The following SSRP1 variants were observed in gnomAD, a reference collection of about 807,000 sequenced individuals.
The protein encoded by SSRP1 is structure specific recognition protein 1, also known as FACT complex subunit SSRP1.
In SSRP1, 21 loss-of-function variants were observed where a neutral mutation model predicts 84.4. That is an observed-to-expected ratio of 0.25 (90% CI 0.18 to 0.36). The LOEUF is 0.36. SSRP1 is among the 10% of genes least tolerant of loss of function. SSRP1 has a pLI of 1.00. For synonymous variants in SSRP1, 319 were observed against 318.3 expected, an observed-to-expected ratio of 1.00 and a Z score of -0.02; for missense variants, 519 against 900.8, an observed-to-expected ratio of 0.58 and a Z score of 5.43.
chr11:57,327,313 G>A, intron 15 of SSRP1, 113 bp downstream of exon 15: 2 of 1,091,746 alleles, frequency 1.8e-6, no homozygotes, highest in Non-Finnish European at 2.7e-6. Context: ...CTACCCTACT[G>A]CAGTCAGAAG....
In SSRP1 at chr11:57,332,712, G is replaced by T. The variant is rs140218207; in HGVS notation, c.681C>A (p.Gly227=). Residue 227 remains glycine, a synonymous_variant, in exon 6 of 17, where the codon GGC becomes GGA. Coordinates refer to ENST00000278412, the MANE Select transcript of SSRP1 (RefSeq NM_003146.3). This position sits in a 1 kb window ranked among gnomAD's most constrained non-coding sequence, Gnocchi z 5.5. ...RIYPTFLHLH[G]KTFDYKIPYT... ...AGGGGATCTTGTAGTCAAAGGTCTT[G>T]CCATGCAGGTGCAGAAAGGTGGGGT... The T allele has an allele frequency of 3.7e-5, 60 of 1,613,956 alleles. 1 individual carries two copies. In the African/African-American group the frequency reaches 5.9e-4, roughly 16 times the overall value.
rs528299866 is a variant in SSRP1 at position 57,332,244 on chromosome 11, G to C, written c.909C>G (p.Thr303=). The C allele has an allele frequency of 1.2e-6, 2 of 1,613,894 alleles. No individual in the cohort carries two copies. Among genetic ancestry groups the C allele is most frequent in the Non-Finnish European group, 1.7e-6 (2 of 1,180,020 alleles). ...EVEKRFEGRL[T]KNMSGSLYEM... Reference sequence around the variant, plus strand: ...CATAGAGGGATCCTGACATGTTCTTGGTGAGCCGACCCTCAAAGCGCTTCT... The same window carrying C: ...CATAGAGGGATCCTGACATGTTCTTCGTGAGCCGACCCTCAAAGCGCTTCT... The change falls in exon 8 of 17, where the codon ACC becomes ACG. Residue 303 remains threonine, a synonymous_variant. Transcript: ENST00000278412. The surrounding 1 kb of genome is among the most constrained non-coding windows in gnomAD (Gnocchi z 5.5).
In SSRP1 at chr11:57,328,396, G is replaced by A; in HGVS notation, c.1512C>T (p.Ser504=). Residue 504 remains serine, a synonymous_variant, in exon 13 of 17, where the codon TCC becomes TCT. Transcript: ENST00000278412. The part of the protein sequence containing the change: ...EFDSNASASS[S]SNEGDSDRDE... ...CCCGGTCACTGTCACCCTCATTACT[G>A]GAGGAGCTGGCAGAGGCGTTGCTGT... is the stretch of plus-strand genomic sequence containing the variant. 6.2e-7 allele frequency: 1 copy of A among 1,614,174 alleles called. No homozygotes were observed. The highest frequency in any genetic ancestry group is 8.5e-7 in the Non-Finnish European group (1 of 1,180,028).
chr11:57,334,956 C>A, intron 2 of SSRP1, 112 bp downstream of exon 2: 1 of 1,277,452 alleles, frequency 7.8e-7, no homozygotes. Context: ...ACACATTATA[C>A]TGAGTCTTCT....
Position 57,326,739 on chromosome 11 carries a change from T to C in SSRP1, c.2022A>G (p.Gly674=). ...TCCTCTTCTTTTTGCTCTTGTTCTC[T>C]CCCGAAGAGCTCTCATCACTAGACA... ...EFVSSDESSS[G]ENKSKKKRRR... is the part of the protein sequence containing the mutation. The change falls in exon 16 of 17, where the codon GGA becomes GGG. Residue 674 remains glycine (G), a synonymous_variant. Coordinates refer to ENST00000278412, the MANE Select transcript of SSRP1 (RefSeq NM_003146.3). The C allele has an allele frequency of 6.2e-7, 1 of 1,614,180 alleles. No homozygotes were observed. Among genetic ancestry groups the C allele is most frequent in the Non-Finnish European group, 8.5e-7 (1 of 1,180,034 alleles).
Position 57,334,456 on chromosome 11 carries a change from A to T in SSRP1, c.240+7T>A. ...AAAAGGAGGCTTATAGCCATGGGACATCTCACCGATTCTCGGAAGCCATCA... is the reference window on the plus strand; with the variant it reads ...AAAAGGAGGCTTATAGCCATGGGACTTCTCACCGATTCTCGGAAGCCATCA... On this transcript the variant is annotated splice_region_variant and intron_variant, in intron 3 of 16. Transcript: ENST00000278412. The T allele has an allele frequency of 1.9e-6, 3 of 1,613,512 alleles. No individual in the cohort carries two copies.
rs1340897174 is a variant in SSRP1, at chr11:57,335,635, T to TC, written c.-120+94dup. 6.3e-6 allele frequency: 1 copy of TC among 159,876 alleles called. No individual in the cohort carries two copies. The highest frequency in any genetic ancestry group is 2.4e-5 in the African/African-American group (1 of 41,574). The allele number at this position is 159,876 out of a possible 1,614,324, so 9.9% of individuals were successfully genotyped here. A position where few individuals can be genotyped will look rare whatever the true frequency, so the allele number is the denominator to read the frequency against. On this transcript the variant is annotated intron_variant, in intron 1 of 16. Coordinates refer to ENST00000278412, the MANE Select transcript of SSRP1 (RefSeq NM_003146.3). This position sits in a 1 kb window ranked among gnomAD's most constrained non-coding sequence, Gnocchi z 4.6. Reference sequence around the variant, plus strand: ...CGCCCCACATAATGGATTCGCCCGCTCCCCGCGGTTGCGAACGCGGAATGG... The same window carrying TC: ...CGCCCCACATAATGGATTCGCCCGCTCCCCCGCGGTTGCGAACGCGGAATGG...
chr11:57,327,860 T>A lies in SSRP1; in HGVS notation c.1634A>T (p.Asn545Ile). 6.2e-7 allele frequency: 1 copy of A among 1,614,052 alleles called. No individual in the cohort carries two copies. The highest frequency in any genetic ancestry group is 1.3e-5 in the African/African-American group (1 of 75,050). ...PVEVKKGKDP[N>I]APKRPMSAYM... Reference sequence around the variant, plus strand: ...TGCAGACATGGGCCTCTTGGGGGCATTGGGGTCTTTGCCCTTCTTCACCTA... The same window carrying A: ...TGCAGACATGGGCCTCTTGGGGGCAATGGGGTCTTTGCCCTTCTTCACCTA... The change falls in exon 14 of 17, where the codon AAT becomes ATT. Residue 545 changes from asparagine to isoleucine, a missense_variant. By Grantham distance (149) the Asn-to-Ile change is moderately radical. Coordinates refer to ENST00000278412, the MANE Select transcript of SSRP1 (RefSeq NM_003146.3).
chr11:57,326,164 T>C lies in SSRP1; in HGVS notation c.*243A>G, dbSNP rs540864521. 161 of 571,832 alleles carry C rather than the reference T, an allele frequency of 2.8e-4. No homozygotes were observed. The highest frequency in any genetic ancestry group is 2.7e-3 in the African/African-American group (142 of 53,546). The allele number at this position is 571,832 out of a possible 1,614,324, so 35.4% of individuals were successfully genotyped here. ...AAGGTCGGGAAAGTAAGATGAGGAT[T>C]TGGATCCTGCATTGCCCTGCCTCCC... is the stretch of plus-strand genomic sequence containing the variant. On this transcript the variant is annotated 3_prime_UTR_variant, in exon 17 of 17. Coordinates refer to ENST00000278412, the MANE Select transcript of SSRP1 (RefSeq NM_003146.3).
chr11:57,326,520 G>T, intron 16 of SSRP1, 42 bp from the exon 17 acceptor site: 1 of 1,612,760 alleles, frequency 6.2e-7, no homozygotes, highest in African/African-American at 1.3e-5. Context: ...TGGAGTCCTG[G>T]GTGCCCCACC....
rs1856058416 is a variant in SSRP1 at position 57,330,020 on chromosome 11, T to A, written c.1481+73A>T. 2 of 1,572,862 alleles carry A rather than the reference T, an allele frequency of 1.3e-6. No homozygotes were observed. The highest frequency in any genetic ancestry group is 2.7e-5 in the African/African-American group (2 of 74,122). On this transcript the variant is annotated intron_variant, in intron 12 of 16. Coordinates refer to ENST00000278412, the MANE Select transcript of SSRP1 (RefSeq NM_003146.3). The surrounding 1 kb of genome is among the most constrained non-coding windows in gnomAD (Gnocchi z 4.0). Reference sequence around the variant, plus strand: ...GTAGCTAATGCTGGGACCTGAGAAATGTCCAGAAATCTTCTGGTCCCTTAA... The same window carrying A: ...GTAGCTAATGCTGGGACCTGAGAAAAGTCCAGAAATCTTCTGGTCCCTTAA...
In SSRP1 at chr11:57,332,451, A is replaced by C; in HGVS notation, c.804T>G (p.Thr268=). ...SLDPPIKQGQ[T]RYHFLILLFS... The stretch of plus-strand genomic sequence containing the variant: ...AGAGGAGGATCAGGAAGTGGTAGCG[A>C]GTTTGGCCTTGCTTGATTGGGGGAT... Residue 268 remains threonine, a synonymous_variant, in exon 7 of 17, where the codon ACT becomes ACG. Transcript: ENST00000278412. This position sits in a 1 kb window ranked among gnomAD's most constrained non-coding sequence, Gnocchi z 5.5. The C allele has an allele frequency of 6.2e-7, 1 of 1,614,102 alleles. No individual in the cohort carries two copies. The highest frequency in any genetic ancestry group is 8.5e-7 in the Non-Finnish European group (1 of 1,180,024).
Position 57,332,917 on chromosome 11 carries a change from C to T in SSRP1, c.537+42G>A, listed in dbSNP as rs1468549254. 1 of 1,598,292 alleles carries T rather than the reference C, an allele frequency of 6.3e-7. No homozygotes were observed. Among genetic ancestry groups the T allele is most frequent in the African/African-American group, 1.3e-5 (1 of 74,766 alleles). ...CTGCTCCCAGGCCAGCCAATGCCTG[C>T]TCAGCACCATCTGCTGCCAAGGCAA... On this transcript the variant is annotated intron_variant, in intron 5 of 16. Coordinates refer to ENST00000278412, the MANE Select transcript of SSRP1 (RefSeq NM_003146.3). The surrounding 1 kb of genome is among the most constrained non-coding windows in gnomAD (Gnocchi z 5.5).
intron 13 of SSRP1, 61 bp downstream of exon 13, chr11:57,328,236 A>G: frequency 6.3e-7 from 1 of 1,586,934 alleles, no homozygotes; most frequent in East Asian, 2.2e-5. Flanking sequence ...GGTAAAGAGA[A>G]TGCCTCCCAC....
Position 57,330,508 on chromosome 11 carries a change from G to A in SSRP1, c.1297-79C>T. The A allele has an allele frequency of 6.3e-7, 1 of 1,578,890 alleles. No homozygotes were observed. The highest frequency in any genetic ancestry group is 1.2e-5 in the South Asian group (1 of 86,920). The stretch of plus-strand genomic sequence containing the variant: ...TGCACACTCAAAAGCACACCCCCAT[G>A]CCTGTCAAGTCAGAGCAGCAGCTCC... On this transcript the variant is annotated intron_variant, in intron 10 of 16. Coordinates refer to ENST00000278412, the MANE Select transcript of SSRP1 (RefSeq NM_003146.3). This position sits in a 1 kb window ranked among gnomAD's most constrained non-coding sequence, Gnocchi z 4.0.
intron 15 of SSRP1, 189 bp downstream of exon 15, chr11:57,327,237 C>T: frequency 1.4e-6 from 1 of 705,920 alleles, no homozygotes; most frequent in South Asian, 1.8e-5. Context: ...CATATTTCCC[C>T]AGTGACTTGA....
At position 57,332,172 on chromosome 11, in the gene SSRP1, T is replaced by C; in HGVS notation, c.981A>G (p.Thr327=). 6.2e-7 allele frequency: 1 copy of C among 1,613,890 alleles called. No individual in the cohort carries two copies. The highest frequency in any genetic ancestry group is 1.1e-5 in the South Asian group (1 of 91,060). ...VMKALVNRKI[T]VPGNFQGHSG... ...CTCACCCTTGGAAGTTGCCTGGCAC[T>C]GTGATCTTGCGGTTTACCAGTGCTT... Residue 327 remains threonine (T), a synonymous_variant, in exon 8 of 17, where the codon ACA becomes ACG. Coordinates refer to ENST00000278412, the MANE Select transcript of SSRP1 (RefSeq NM_003146.3). This position sits in a 1 kb window ranked among gnomAD's most constrained non-coding sequence, Gnocchi z 5.5.
rs1026626528 is a variant in SSRP1, at chr11:57,330,691, C to G, written c.1296+164G>C. The G allele has an allele frequency of 9.5e-6, 14 of 1,478,308 alleles. No individual in the cohort carries two copies. The African/African-American group carries it at 1.3e-4, about 13-fold the overall frequency. The allele number at this position is 1,478,308 out of a possible 1,614,324, so 91.6% of individuals were successfully genotyped here. ...CTGCATAGACTGGTCTAAGGTCATG[C>G]AGAGGAAACCTGCACCAGGAGGGGG... On this transcript the variant is annotated intron_variant, in intron 10 of 16. Coordinates refer to ENST00000278412, the MANE Select transcript of SSRP1 (RefSeq NM_003146.3). This position sits in a 1 kb window ranked among gnomAD's most constrained non-coding sequence, Gnocchi z 4.0.
intron 9 of SSRP1, 102 bp downstream of exon 9, chr11:57,331,566 T>A (rs1224519048): frequency 1.1e-6 from 1 of 871,190 alleles, no homozygotes; most frequent in Non-Finnish European, 1.8e-6. Context: ...AAAAGAAAAA[T>A]TCTGCTCTAG....
Sources: allele counts gnomAD v4.1 joint callset, GRCh38; gene constraint gnomAD v4.1.1; non-coding constraint Gnocchi (gnomAD v3.1); transcripts MANE v1.5; gene names NCBI Gene and HGNC (gene_info 2026-07-23, HGNC 2026-07-21).